Variants in MAGI2 observed in about 807,000 individuals in gnomAD.
MAGI2 encodes the protein membrane-associated guanylate kinase, WW and PDZ domain-containing protein 2.
A neutral mutation model predicts 133.3 loss-of-function variants in MAGI2; 35 were observed. The observed-to-expected ratio is 0.26, with a 90% CI of 0.20 to 0.35. The LOEUF is 0.35. Among genes scored for constraint, MAGI2 ranks in the 10% least tolerant of loss-of-function variants. The pLI, the probability that MAGI2 is intolerant of heterozygous loss-of-function variation, is 1.00. For missense variants in MAGI2, 1,636 were observed against 1,863.4 expected, an observed-to-expected ratio of 0.88 and a Z score of 2.25; for synonymous variants, 729 against 710.6, an observed-to-expected ratio of 1.03 and a Z score of -0.41.
At position 79,229,570 on chromosome 7, in the gene MAGI2, G is replaced by A. The variant is rs528684997; in HGVS notation, c.302-222364C>T. Among the ~76,000 whole-genome samples, 6 of 152,238 alleles carry A rather than the reference G, an allele frequency of 3.9e-5. No individual in the cohort carries two copies. The South Asian group carries it at 6.2e-4, about 16-fold the overall frequency. Reference sequence around the variant, plus strand: ...CATCAAGGAAAAGTATAGCTTGAGAGTTATTTCTACAGGTGCAAATTTCTG... The same window carrying A: ...CATCAAGGAAAAGTATAGCTTGAGAATTATTTCTACAGGTGCAAATTTCTG... On this transcript the variant is annotated intron_variant, in intron 1 of 21. Coordinates refer to ENST00000354212, the MANE Select transcript of MAGI2 (RefSeq NM_012301.4).
intron 2 of MAGI2, among the ~76,000 whole-genome samples, chr7:78,813,724 T>TG (rs1441490495): frequency 1.4e-5 from 2 of 144,502 alleles, no homozygotes; most frequent in Non-Finnish European, 3.0e-5. Context: ...AGGCAGAGCT[T>TG]GCAGTGAGCT....
chr7:78,871,408 T>C (rs1156988600), intron 2 of MAGI2, among the ~76,000 whole-genome samples: 1 of 152,084 alleles, frequency 6.6e-6, no homozygotes, highest in Non-Finnish European at 1.5e-5. Context: ...GCTCAGGTGA[T>C]GGGTGCACCA....
chr7:79,106,763 T>A (rs1818487897), intron 1 of MAGI2, among the ~76,000 whole-genome samples: 1 of 152,220 alleles, frequency 6.6e-6, no homozygotes, highest in Non-Finnish European at 1.5e-5. Flanking sequence ...TCTAAGTGTT[T>A]AAGAAAGAAA....
At chr7:78,287,482 C>A (rs771951053) in intron 9 of MAGI2, among the ~76,000 whole-genome samples, 6 of 152,122 alleles carry the variant, frequency 3.9e-5, no homozygotes, top group Admixed American at 6.5e-5. Context: ...GGAGGTGGAA[C>A]AGACAATCTC....
intron 2 of MAGI2, among the ~76,000 whole-genome samples, chr7:78,978,239 T>A (rs976614837): frequency 2.6e-5 from 4 of 151,792 alleles, no homozygotes; most frequent in African/African-American, 9.7e-5. Flanking sequence ...GGCAGCCCTA[T>A]CACAATTGCC....
chr7:78,826,538 A>G (rs1030959658), intron 2 of MAGI2, among the ~76,000 whole-genome samples: 1 of 152,084 alleles, frequency 6.6e-6, no homozygotes, highest in African/African-American at 2.4e-5. Flanking sequence ...AGCACAGACA[A>G]ATTTTGTAGT....
intron 2 of MAGI2, among the ~76,000 whole-genome samples, chr7:78,820,163 T>C (rs1789965116): frequency 6.6e-6 from 1 of 151,984 alleles, no homozygotes; most frequent in African/African-American, 2.4e-5. Flanking sequence ...AGATTTGCTA[T>C]AAAAAAGTCA....
At chr7:78,990,866 T>G (rs1419986538) in intron 2 of MAGI2, among the ~76,000 whole-genome samples, 1 of 151,650 alleles carries the variant, frequency 6.6e-6, no homozygotes, top group African/African-American at 2.4e-5. Context: ...GTTATGTATG[T>G]CCTATTATTT....
intron 6 of MAGI2, among the ~76,000 whole-genome samples, chr7:78,483,404 C>T (rs1374865832): frequency 6.6e-6 from 1 of 151,762 alleles, no homozygotes; most frequent in African/African-American, 2.4e-5. Flanking sequence ...CTAGGCACTA[C>T]TTTATAGCCA....
At chr7:78,022,047 T>C (rs1412687051) in intron 21 of MAGI2, among the ~76,000 whole-genome samples, 1 of 152,242 alleles carries the variant, frequency 6.6e-6, no homozygotes, top group Non-Finnish European at 1.5e-5. Flanking sequence ...CCAGGTGCTG[T>C]GATTCCCAGG....
intron 16 of MAGI2, among the ~76,000 whole-genome samples, chr7:78,157,709 C>T (rs1011179046): frequency 6.6e-6 from 1 of 152,208 alleles, no homozygotes; most frequent in Non-Finnish European, 1.5e-5. Flanking sequence ...TGCAAAATCT[C>T]TCTGTGAACA....
chr7:79,415,373 G>T (rs1018456022), intron 1 of MAGI2: 1 of 152,072 alleles, frequency 6.6e-6, no homozygotes, highest in Non-Finnish European at 1.5e-5. Context: ...TCTTGAGACC[G>T]GTCTATATTG....
chr7:78,511,693 C>T (rs1308962695), intron 4 of MAGI2, among the ~76,000 whole-genome samples: 1 of 150,448 alleles, frequency 6.6e-6, no homozygotes, highest in South Asian at 2.1e-4. Context: ...TCTTTGTGAC[C>T]CTTCAGAGAT....
intron 10 of MAGI2, among the ~76,000 whole-genome samples, chr7:78,237,961 T>C (rs1563307709): frequency 6.6e-6 from 1 of 152,180 alleles, no homozygotes; most frequent in Non-Finnish European, 1.5e-5. Context: ...GCTCAAAATA[T>C]TTGATCCTGT....
Position 79,330,866 on chromosome 7 carries a change from A to C in MAGI2, c.301+122154T>G, listed in dbSNP as rs376125207. ...TAAAACATAATCTGAATTTAAATGA[A>C]TAACAATTTATATTTCAAATAAATT... On this transcript the variant is annotated intron_variant, in intron 1 of 21. Coordinates refer to ENST00000354212, the MANE Select transcript of MAGI2 (RefSeq NM_012301.4). Among the ~76,000 whole-genome samples the C allele has an allele frequency of 7.2e-5, 11 of 152,326 alleles. No individual in the cohort carries two copies. In the East Asian group the frequency reaches 1.3e-3, roughly 19 times the overall value.
intron 1 of MAGI2, among the ~76,000 whole-genome samples, chr7:79,435,250 T>C (rs1193366139): frequency 6.6e-6 from 1 of 152,236 alleles, no homozygotes; most frequent in Non-Finnish European, 1.5e-5. Flanking sequence ...ACTTTTGACA[T>C]TTATTCATTC....
chr7:79,432,233 T>G (rs1394719148), intron 1 of MAGI2, among the ~76,000 whole-genome samples: 1 of 152,202 alleles, frequency 6.6e-6, no homozygotes, highest in Admixed American at 6.5e-5. Flanking sequence ...AAAAATAATT[T>G]TAATAGACAA....
At chr7:78,930,750 A>C (rs536528077) in intron 2 of MAGI2, among the ~76,000 whole-genome samples, 27 of 152,178 alleles carry the variant, frequency 1.8e-4, no homozygotes, top group African/African-American at 6.5e-4. Context: ...TGATCTCTCA[A>C]GGTGCATTGA....
intron 1 of MAGI2, among the ~76,000 whole-genome samples, chr7:79,052,406 G>T (rs936238043): frequency 2.0e-5 from 3 of 152,096 alleles, no homozygotes; most frequent in Non-Finnish European, 4.4e-5. Context: ...CCAAGCACAG[G>T]GCCATTTTGA....
Sources: allele counts gnomAD v4.1 joint callset (sites outside exome capture counted in the v4.1 genomes callset), GRCh38; gene constraint gnomAD v4.1.1; transcripts MANE v1.5; gene names NCBI Gene and HGNC (gene_info 2026-07-23, HGNC 2026-07-21).